Variants in ZKSCAN2 observed in about 807,000 individuals in gnomAD.
ZKSCAN2 encodes zinc finger with KRAB and SCAN domains 2.
ZKSCAN2 carries 38 observed loss-of-function variants against 90.5 expected under a neutral mutation model. The ratio of observed to expected loss-of-function variants is 0.42; its 90% CI spans 0.32 to 0.55. ZKSCAN2 has a LOEUF of 0.55. ZKSCAN2 is among the 20% of genes least tolerant of loss of function. ZKSCAN2 has a pLI of 0.11. For missense variants in ZKSCAN2, 1,167 were observed against 1,202.6 expected (o/e 0.97, Z 0.44); for synonymous variants, 429 against 421.6 (o/e 1.02, Z -0.22).
In ZKSCAN2 at chr16:25,243,780, C is replaced by CAAAACTCCTTGGTT; in HGVS notation, c.1981+4_1981+5insAACCAAGGAGTTTT. On this transcript the variant is annotated splice_donor_region_variant and intron_variant, in intron 6 of 6. Transcript: ENST00000328086. ...GGACTAAAACTCCTTGGTTTTGCACCTTACCATTTGGGCTCTGCAGTAGAC... is the reference window on the plus strand; with the variant it reads ...GGACTAAAACTCCTTGGTTTTGCACCAAAACTCCTTGGTTTTACCATTTGGGCTCTGCAGTAGAC... 1 of 1,596,720 alleles carries CAAAACTCCTTGGTT rather than the reference C, an allele frequency of 6.3e-7. No homozygotes were observed. Among genetic ancestry groups the CAAAACTCCTTGGTT allele is most frequent in the Non-Finnish European group, 8.5e-7 (1 of 1,171,120 alleles).
intron 6 of ZKSCAN2, among the ~76,000 whole-genome samples, chr16:25,241,297 C>T (rs1179226633): frequency 6.6e-6 from 1 of 152,220 alleles, no homozygotes; most frequent in Non-Finnish European, 1.5e-5. Flanking sequence ...TCACTCTTTT[C>T]ACCTACATCC....
Position 25,247,186 on chromosome 16 carries a change from T to C in ZKSCAN2, c.1010A>G (p.Lys337Arg), listed in dbSNP as rs1962946675. The C allele has an allele frequency of 6.2e-7, 1 of 1,614,076 alleles. No homozygotes were observed. The highest frequency in any genetic ancestry group is 1.3e-5 in the African/African-American group (1 of 74,910). The change falls in exon 5 of 7, where the codon AAG (lysine) becomes AGG (arginine). Residue 337 changes from lysine to arginine, a missense_variant. By Grantham distance (26) the Lys-to-Arg change is conservative (BLOSUM62 2). Transcript: ENST00000328086. Reference protein sequence around the residue: ...EQQQWGLEDEKIAGVHWSYEE... With the variant: ...EQQQWGLEDERIAGVHWSYEE... The stretch of plus-strand genomic sequence containing the variant: ...ATAGCTCCAATGCACACCTGCTATC[T>C]TTTCATCTTCTAAACCCCACTGCTG...
At position 25,240,441 on chromosome 16, in the gene ZKSCAN2, C is replaced by T; in HGVS notation, c.2279G>A (p.Ser760Asn). 2 of 1,614,188 alleles carry T rather than the reference C, an allele frequency of 1.2e-6. No homozygotes were observed. Among genetic ancestry groups the T allele is most frequent in the Non-Finnish European group, 1.7e-6 (2 of 1,180,034 alleles). Residue 760 changes from serine (S) to asparagine (N), a missense_variant, in exon 7 of 7, where the codon AGC becomes AAC. Ser to Asn is a conservative substitution (Grantham distance 46, BLOSUM62 1). Transcript: ENST00000328086. ...GGTCATCCGGCACATCAGACGAGTG[C>T]TCCTTCCAAAGCTTTCTCCATATTT... ...LLKYGESFGRSTRLMCRMTHH... is the reference protein window; with the variant it reads ...LLKYGESFGRNTRLMCRMTHH...
In ZKSCAN2 at chr16:25,240,088, G is replaced by A. The variant is rs756005840; in HGVS notation, c.2632C>T (p.Arg878Trp). 13 of 1,613,638 alleles carry A rather than the reference G, an allele frequency of 8.1e-6. No homozygotes were observed. Among genetic ancestry groups the A allele is most frequent in the South Asian group, 4.4e-5 (4 of 91,064 alleles). The stretch of plus-strand genomic sequence containing the variant: ...GGATTCTCCCCAGTGTGAACTCTCC[G>A]GTGGGCGCTGAAATGAGAACTGTTG... ...FTNSSHFSAHRRVHTGENPYK... is the reference protein window; with the variant it reads ...FTNSSHFSAHWRVHTGENPYK... Residue 878 changes from arginine to tryptophan, a missense_variant, in exon 7 of 7, where the codon CGG becomes TGG. Arg to Trp is a moderately radical substitution (Grantham distance 101). Transcript: ENST00000328086.
rs28483349 is a variant in ZKSCAN2, at chr16:25,256,445, T to C, written c.399+284A>G. Among the ~76,000 whole-genome samples the C allele has an allele frequency of 1.6e-3, 244 of 152,252 alleles. 1 individual carries two copies. Among genetic ancestry groups the C allele is most frequent in the African/African-American group, 5.8e-3 (239 of 41,526 alleles). ...ATATTGTTCTCTTATATTGTTTTGT[T>C]GCAAACATTATGCCAAAGATGACGA... On this transcript the variant is annotated intron_variant, in intron 1 of 6. Coordinates refer to ENST00000328086, the MANE Select transcript of ZKSCAN2 (RefSeq NM_001012981.5).
In ZKSCAN2 at chr16:25,252,030, T is replaced by C; in HGVS notation, c.684A>G (p.Pro228=). Residue 228 remains proline, a synonymous_variant, in exon 4 of 7, where the codon CCA becomes CCG. Coordinates refer to ENST00000328086, the MANE Select transcript of ZKSCAN2 (RefSeq NM_001012981.5). ...TTRLPAGSQE[P]VKDVHVARGF... ...CTCTGGCCACGTGGACATCTTTCAC[T>C]GGTTCCTGTAATGACACTAACACCA... 1.9e-6 allele frequency: 3 copies of C among 1,614,106 alleles called. No individual in the cohort carries two copies.
rs370059069 is a variant in ZKSCAN2 at position 25,240,712 on chromosome 16, C to T, written c.2008G>A (p.Glu670Lys). ...NDFEIGSSIKEDPTQIVYKDM... is the reference protein window; with the variant it reads ...NDFEIGSSIKKDPTQIVYKDM... ...TTATATACTATCTGTGTTGGATCCT[C>T]CTTGATGCTACTTCCGATTTCAAAA... The change falls in exon 7 of 7, where the codon GAG becomes AAG. Residue 670 changes from glutamate (E) to lysine (K), a missense_variant. By Grantham distance (56) the Glu-to-Lys change is moderately conservative. Transcript: ENST00000328086. 5.0e-6 allele frequency: 8 copies of T among 1,605,002 alleles called. No homozygotes were observed. The African/African-American group carries it at 9.4e-5, about 19-fold the overall frequency.
At chr16:25,249,781 C>T (rs1962991494) in intron 4 of ZKSCAN2, among the ~76,000 whole-genome samples, 1 of 152,088 alleles carries the variant, frequency 6.6e-6, no homozygotes, top group African/African-American at 2.4e-5. Context: ...TTATGGAAAA[C>T]ATTAGGGAGG....
rs748428080 is a variant in ZKSCAN2, at chr16:25,246,617, C to A, written c.1489+90G>T. On this transcript the variant is annotated intron_variant, in intron 5 of 6. Transcript: ENST00000328086. ...AAGTGGTGAGGTGTGTGTGACAGCA[C>A]CCCCCGGGTTTGGCCACTTCTGGTC... 5 of 1,354,410 alleles carry A rather than the reference C, an allele frequency of 3.7e-6. No homozygotes were observed. In the South Asian group the frequency reaches 3.9e-5, roughly 10 times the overall value. The allele number at this position is 1,354,410 out of a possible 1,614,324, so 83.9% of individuals were successfully genotyped here. A position where few individuals can be genotyped will look rare whatever the true frequency, so the allele number is the denominator to read the frequency against.
chr16:25,247,588 T>C (rs903913155), intron 4 of ZKSCAN2, among the ~76,000 whole-genome samples, 198 bp from the exon 5 acceptor site: 9 of 152,196 alleles, frequency 5.9e-5, no homozygotes, highest in South Asian at 2.1e-4. Context: ...TTCTCATATA[T>C]GTACCATTTC....
rs1276771146 is a variant in ZKSCAN2, at chr16:25,236,745, CATA to C, written c.*3068_*3070del. 6.6e-6 allele frequency: 1 copy of C among 152,164 alleles called. No homozygotes were observed. Among genetic ancestry groups the C allele is most frequent in the Admixed American group, 6.5e-5 (1 of 15,274 alleles). 9.4% of individuals were successfully genotyped at this position (152,164 alleles called of 1,614,324 possible). On this transcript the variant is annotated 3_prime_UTR_variant, in exon 7 of 7. Coordinates refer to ENST00000328086, the MANE Select transcript of ZKSCAN2 (RefSeq NM_001012981.5). ...CCAGATGAATGAATTAGGTTGAATG[CATA>C]ATAACATCACTGGTAAGAACTGGAG...
At position 25,257,594 on chromosome 16, in the gene ZKSCAN2, C is replaced by T. The variant is rs1305778483; in HGVS notation, c.-467G>A. On this transcript the variant is annotated 5_prime_UTR_variant, in exon 1 of 7. Coordinates refer to ENST00000328086, the MANE Select transcript of ZKSCAN2 (RefSeq NM_001012981.5). Reference sequence around the variant, plus strand: ...CCGGCGCCAGGTTCCGGGCTCGGGTCACCGCAGCACGTCCAGGCCGCCGCG... The same window carrying T: ...CCGGCGCCAGGTTCCGGGCTCGGGTTACCGCAGCACGTCCAGGCCGCCGCG... The T allele has an allele frequency of 2.4e-6, 2 of 824,882 alleles. No homozygotes were observed. Among genetic ancestry groups the T allele is most frequent in the African/African-American group, 1.8e-5 (1 of 54,072 alleles). The allele number at this position is 824,882 out of a possible 1,614,324, so 51.1% of individuals were successfully genotyped here. A position where few individuals can be genotyped will look rare whatever the true frequency, so the allele number is the denominator to read the frequency against.
chr16:25,256,399 G>C (rs1284827362), intron 1 of ZKSCAN2, among the ~76,000 whole-genome samples: 1 of 150,898 alleles, frequency 6.6e-6, no homozygotes, highest in Non-Finnish European at 1.5e-5. Context: ...ATGCGTAAGT[G>C]AACCTCTGTG....
At chr16:25,254,232 A>C (rs961911907) in intron 2 of ZKSCAN2, among the ~76,000 whole-genome samples, 3 of 152,242 alleles carry the variant, frequency 2.0e-5, no homozygotes, top group Non-Finnish European at 4.4e-5. Context: ...ATATAAACAG[A>C]AGACTTCTGA....
In ZKSCAN2 at chr16:25,257,024, A is replaced by C. The variant is rs1963115002; in HGVS notation, c.104T>G (p.Leu35Arg). 1 of 1,614,214 alleles carries C rather than the reference A, an allele frequency of 6.2e-7. No individual in the cohort carries two copies. The highest frequency in any genetic ancestry group is 1.3e-5 in the African/African-American group (1 of 75,054). Residue 35 changes from leucine (L) to arginine (R), a missense_variant, in exon 1 of 7, where the codon CTG (leucine) becomes CGG (arginine). Leu to Arg is a moderately radical substitution (Grantham distance 102). Coordinates refer to ENST00000328086, the MANE Select transcript of ZKSCAN2 (RefSeq NM_001012981.5). ...GGTCTCAGAGCTATCCGATCCTTCC[A>C]GAATGGGCTCTGATGCCCACTCAGG... ...KDPEWASEPI[L>R]EGSDSSETFR... is the part of the protein sequence containing the mutation.
Position 25,253,030 on chromosome 16 carries a change from A to T in ZKSCAN2, c.594T>A (p.Pro198=), listed in dbSNP as rs144148394. The T allele has an allele frequency of 1.1e-5, 18 of 1,613,708 alleles. No individual in the cohort carries two copies. In the African/African-American group the frequency reaches 1.9e-4, roughly 17 times the overall value. Reference sequence around the variant, plus strand: ...CAGCAAGGGCAGGAACCCAGGGAGAAGGCCGAGCTGTAAGAATAGAAAGAA... The same window carrying T: ...CAGCAAGGGCAGGAACCCAGGGAGATGGCCGAGCTGTAAGAATAGAAAGAA... ...ERRPLPKNAR[P]SPWVPALADE... The change falls in exon 3 of 7, where the codon CCT becomes CCA. Residue 198 remains proline, a synonymous_variant. Coordinates refer to ENST00000328086, the MANE Select transcript of ZKSCAN2 (RefSeq NM_001012981.5).
intron 4 of ZKSCAN2, 88 bp from the exon 5 acceptor site, chr16:25,247,478 A>T: frequency 8.8e-7 from 1 of 1,132,352 alleles, no homozygotes; most frequent in East Asian, 2.4e-5. Flanking sequence ...CTCCTGGGCC[A>T]CTTGTTCACA....
rs762394504 is a variant in ZKSCAN2 at position 25,257,092 on chromosome 16, G to A, written c.36C>T (p.Pro12=). 36 of 1,610,180 alleles carry A rather than the reference G, an allele frequency of 2.2e-5. No individual in the cohort carries two copies. The highest frequency in any genetic ancestry group is 3.1e-5 in the Non-Finnish European group (36 of 1,177,778). ...AVALDSQIDA[P]LEVEGCLIMK... is the part of the protein sequence containing the mutation. ...TTATTAGGCATCCCTCAACCTCCAGGGGCGCGTCGATCTGAGAGTCGAGGG... is the reference window on the plus strand; with the variant it reads ...TTATTAGGCATCCCTCAACCTCCAGAGGCGCGTCGATCTGAGAGTCGAGGG... Residue 12 remains proline, a synonymous_variant, in exon 1 of 7, where the codon CCC becomes CCT. Coordinates refer to ENST00000328086, the MANE Select transcript of ZKSCAN2 (RefSeq NM_001012981.5).
chr16:25,246,215 A>C (rs1962931514), intron 5 of ZKSCAN2: 2 of 154,386 alleles, frequency 1.3e-5, no homozygotes, highest in Non-Finnish European at 2.9e-5. Flanking sequence ...CATCTGACTC[A>C]TCTATTTTGT....
Sources: allele counts gnomAD v4.1 joint callset (sites outside exome capture counted in the v4.1 genomes callset), GRCh38; gene constraint gnomAD v4.1.1; transcripts MANE v1.5; gene names NCBI Gene and HGNC (gene_info 2026-07-23, HGNC 2026-07-21).